Variants in ZNF69 observed in about 807,000 individuals in gnomAD.
ZNF69 encodes zinc finger protein 69.
Under a neutral mutation model 50.9 loss-of-function variants are expected in ZNF69, and 47 were observed. The ratio of observed to expected loss-of-function variants is 0.92; its 90% CI spans 0.73 to 1.18. ZNF69 has a LOEUF of 1.18. Ranked by LOEUF, ZNF69 falls within the 50% of genes most tolerant of loss-of-function variation. The pLI is 0.00. For synonymous variants in ZNF69, 216 were observed against 223.1 expected (o/e 0.97, Z 0.29); for missense variants, 717 against 675.1 (o/e 1.06, Z -0.69).
chr19:11,941,346 G>A, the ZNF69 span, among the ~76,000 whole-genome samples: 161 of 152,370 alleles, frequency 1.1e-3, no homozygotes, highest in African/African-American at 3.7e-3. Flanking sequence ...TGGAGCAGGG[G>A]GCGGCGCTCA....
the ZNF69 span, among the ~76,000 whole-genome samples, chr19:11,970,666 C>A: frequency 6.6e-6 from 1 of 152,216 alleles, no homozygotes; most frequent in East Asian, 1.9e-4. Context: ...ATGTCCAGAG[C>A]AGGTGCAGTG....
At chr19:11,977,574 T>G in the ZNF69 span, 2 of 1,108,132 alleles carry the variant, frequency 1.8e-6, no homozygotes, top group Non-Finnish European at 2.5e-6. Context: ...TATATTTACA[T>G]GTGACTAAGT....
chr19:11,934,280 A>G, the ZNF69 span, among the ~76,000 whole-genome samples: 1 of 148,008 alleles, frequency 6.8e-6, no homozygotes, highest in East Asian at 1.9e-4. Flanking sequence ...TGTGGACATC[A>G]GTTTTCAGTT....
chr19:11,905,566 G>A lies in ZNF69; in HGVS notation c.1169G>A (p.Cys390Tyr). 1.2e-6 allele frequency: 2 copies of A among 1,613,902 alleles called. No individual in the cohort carries two copies. The highest frequency in any genetic ancestry group is 1.7e-6 in the Non-Finnish European group (2 of 1,179,994). ...CACAGTGGAGAGAAACCCTATAAATGCAAGCAATGTGGTAAAGCCTTCATT... is the reference window on the plus strand; with the variant it reads ...CACAGTGGAGAGAAACCCTATAAATACAAGCAATGTGGTAAAGCCTTCATT... ...KTHSGEKPYK[C>Y]KQCGKAFIHS... The change falls in exon 4 of 4, where the codon TGC becomes TAC. Residue 390 changes from cysteine to tyrosine, a missense_variant. Coordinates refer to ENST00000429654, the MANE Select transcript of ZNF69 (RefSeq NM_001364730.1).
chr19:11,955,588 C>G, the ZNF69 span, among the ~76,000 whole-genome samples: 1 of 152,006 alleles, frequency 6.6e-6, no homozygotes, highest in African/African-American at 2.4e-5. Flanking sequence ...AGCCACCGTG[C>G]CTGGCCATTT....
At chr19:11,933,461 A>G in the ZNF69 span, among the ~76,000 whole-genome samples, 1 of 147,808 alleles carries the variant, frequency 6.8e-6, no homozygotes, top group Non-Finnish European at 1.5e-5. Context: ...CCACCATCAC[A>G]GTCTTATACA....
the ZNF69 span, chr19:11,977,337 G>A: frequency 6.2e-7 from 1 of 1,610,950 alleles, no homozygotes; most frequent in Non-Finnish European, 8.5e-7. Context: ...GTTTTATATT[G>A]CTTCAGGACT....
intron 1 of ZNF69, 47 bp from the exon 2 acceptor site, chr19:11,903,526 T>C (rs1013054933): frequency 6.2e-7 from 1 of 1,610,456 alleles, no homozygotes; most frequent in Non-Finnish European, 8.5e-7. Flanking sequence ...AGGCCCCCAG[T>C]GCTGTCACTC....
At chr19:11,956,007 A>G in the ZNF69 span, among the ~76,000 whole-genome samples, 1 of 152,308 alleles carries the variant, frequency 6.6e-6, no homozygotes, top group South Asian at 2.1e-4. Context: ...CACTGGGGAA[A>G]CACATCCTGA....
the ZNF69 span, among the ~76,000 whole-genome samples, chr19:11,932,194 C>T: frequency 2.2e-4 from 32 of 146,478 alleles, no homozygotes; most frequent in Non-Finnish European, 3.0e-4. Context: ...TATACAAAAA[C>T]TTACCTGGTC....
At chr19:11,965,056 C>G in the ZNF69 span, 1 of 937,510 alleles carries the variant, frequency 1.1e-6, no homozygotes, top group Non-Finnish European at 1.7e-6. Flanking sequence ...TCACCTTTGT[C>G]CTTGCGCAGC....
downstream of ZNF69, among the ~76,000 whole-genome samples, chr19:11,910,565 TG>T (rs1355096235): frequency 6.6e-6 from 1 of 152,148 alleles, no homozygotes; most frequent in Non-Finnish European, 1.5e-5. Flanking sequence ...AAACAAGAAA[TG>T]GGGAAAGGAT....
chr19:11,941,638 A>C, the ZNF69 span, among the ~76,000 whole-genome samples: 1 of 151,524 alleles, frequency 6.6e-6, no homozygotes, highest in African/African-American at 2.4e-5. Context: ...GCTGGCCCGC[A>C]AGCGCCGCGC....
At chr19:11,966,443 G>A in the ZNF69 span, among the ~76,000 whole-genome samples, 3 of 152,224 alleles carry the variant, frequency 2.0e-5, no homozygotes, top group Non-Finnish European at 2.9e-5. Flanking sequence ...GCTGGATCTC[G>A]GCTCACAGCA....
the ZNF69 span, chr19:11,950,472 T>G: frequency 1.4e-6 from 1 of 692,074 alleles, no homozygotes; most frequent in African/African-American, 1.8e-5. Context: ...AGAAACCCTA[T>G]GAGTGTATTC....
chr19:11,947,165 A>G, the ZNF69 span: 2 of 1,612,668 alleles, frequency 1.2e-6, no homozygotes, highest in South Asian at 1.1e-5. Context: ...TCCTCTACAC[A>G]TGTGAGATGT....
the ZNF69 span, among the ~76,000 whole-genome samples, chr19:11,940,514 C>T: frequency 1.3e-5 from 2 of 151,706 alleles, no homozygotes; most frequent in South Asian, 4.2e-4. Context: ...CTTCGTTCCT[C>T]CTGGTGGGCT....
intron 1 of ZNF69, among the ~76,000 whole-genome samples, chr19:11,890,089 A>G (rs1599341002): frequency 6.6e-6 from 1 of 152,212 alleles, no homozygotes; most frequent in East Asian, 1.9e-4. Context: ...ACACAGAGAC[A>G]TTCCATTCCC....
In ZNF69 at chr19:11,905,426, T is replaced by C. The variant is rs1972347929; in HGVS notation, c.1029T>C (p.Ser343=). ...CGCAGTGTGGGAAAGCATTATCCTCTCTTACAAGTTTTCAAACACACATAA... is the reference window on the plus strand; with the variant it reads ...CGCAGTGTGGGAAAGCATTATCCTCCCTTACAAGTTTTCAAACACACATAA... ...ECTQCGKALS[S]LTSFQTHIRM... is the part of the protein sequence containing the mutation. The change falls in exon 4 of 4, where the codon TCT becomes TCC. Residue 343 remains serine, a synonymous_variant. Coordinates refer to ENST00000429654, the MANE Select transcript of ZNF69 (RefSeq NM_001364730.1). 1 of 1,614,204 alleles carries C rather than the reference T, an allele frequency of 6.2e-7. No homozygotes were observed. The highest frequency in any genetic ancestry group is 1.6e-4 in the Middle Eastern group (1 of 6,062).
Sources: gnomAD v4.1 joint callset for allele counts (sites outside exome capture counted in the v4.1 genomes callset) on GRCh38, gnomAD v4.1.1 for gene constraint, MANE v1.5 for transcripts, NCBI Gene and HGNC (gene_info 2026-07-23, HGNC 2026-07-21) for gene names.